The following ADAMTS16 variants were observed in gnomAD, a reference collection of about 807,000 sequenced individuals.
The protein encoded by ADAMTS16 is ADAM metallopeptidase with thrombospondin type 1 motif 16.
Under a neutral mutation model 145.8 loss-of-function variants are expected in ADAMTS16, and 94 were observed. The observed-to-expected ratio is 0.64, with a 90% CI of 0.55 to 0.77. The LOEUF (loss-of-function observed/expected upper bound fraction) is 0.77, where lower values mean the gene tolerates loss of function less well. Ranked by LOEUF, ADAMTS16 falls within the 30% of genes least tolerant of loss-of-function variation. ADAMTS16 has a pLI of 0.00. For missense variants in ADAMTS16, 1,585 were observed against 1,591.5 expected (o/e 1.00, Z 0.07); for synonymous variants, 659 against 604.3 (o/e 1.09, Z -1.33).
chr5:5,264,005 G>C (rs1468896438), intron 18 of ADAMTS16, among the ~76,000 whole-genome samples: 3 of 152,150 alleles, frequency 2.0e-5, no homozygotes, highest in Non-Finnish European at 4.4e-5. Flanking sequence ...GAGAATGGCA[G>C]GTCATCTTCT....
At chr5:5,211,939 C>T (rs6555338) in intron 10 of ADAMTS16, among the ~76,000 whole-genome samples, 25,034 of 152,046 alleles carry the variant, frequency 0.16, 2,405 homozygotes, top group Middle Eastern at 0.24. Flanking sequence ...TGTATTGACA[C>T]ATATTTCATA....
intron 8 of ADAMTS16, among the ~76,000 whole-genome samples, chr5:5,199,381 C>G (rs773913190): frequency 9.2e-5 from 14 of 152,168 alleles, no homozygotes; most frequent in Non-Finnish European, 1.8e-4. Context: ...AGGTGTGGAT[C>G]TCCAAAGTGG....
intron 3 of ADAMTS16, among the ~76,000 whole-genome samples, chr5:5,147,508 T>C (rs1415075403): frequency 1.3e-5 from 2 of 152,212 alleles, no homozygotes; most frequent in Non-Finnish European, 2.9e-5. Context: ...CTAAATCCTG[T>C]AAAAAAATTT....
chr5:5,313,528 G>T (rs377705840), intron 21 of ADAMTS16, among the ~76,000 whole-genome samples: 1 of 152,320 alleles, frequency 6.6e-6, no homozygotes, highest in South Asian at 2.1e-4. Flanking sequence ...GTTGGAAACT[G>T]ACCCCACATG....
intron 3 of ADAMTS16, 97 bp from the exon 4 acceptor site, chr5:5,181,947 C>A: frequency 7.2e-7 from 1 of 1,380,890 alleles, no homozygotes; most frequent in Non-Finnish European, 9.8e-7. Context: ...AGCATGCTTC[C>A]AAGAGAATAA....
intron 10 of ADAMTS16, among the ~76,000 whole-genome samples, chr5:5,214,947 G>A (rs1736377965): frequency 6.6e-6 from 1 of 152,062 alleles, no homozygotes; most frequent in Non-Finnish European, 1.5e-5. Context: ...CTTAATGGGA[G>A]GATATAAAAC....
At chr5:5,232,600 CTTTTTT>C (rs748424956) in intron 12 of ADAMTS16, 84 bp downstream of exon 12, 2,351 of 902,686 alleles carry the variant, frequency 2.6e-3, no homozygotes, top group Admixed American at 4.6e-3. Context: ...TGTCTCAGCT[CTTTTTT>C]TTTTTTTTTT....
intron 6 of ADAMTS16, among the ~76,000 whole-genome samples, chr5:5,189,050 G>A (rs1356793734): frequency 6.6e-6 from 1 of 152,024 alleles, no homozygotes; most frequent in African/African-American, 2.4e-5. Flanking sequence ...ATTTTGCTTG[G>A]GTATATTTGA....
chr5:5,147,820 C>G (rs1182095986), intron 3 of ADAMTS16, among the ~76,000 whole-genome samples: 1 of 152,166 alleles, frequency 6.6e-6, no homozygotes, highest in Non-Finnish European at 1.5e-5. Context: ...CGAGGTGTGC[C>G]TTGCCCTTTA....
At chr5:5,264,563 G>T (rs577550710) in intron 18 of ADAMTS16, among the ~76,000 whole-genome samples, 6 of 152,222 alleles carry the variant, frequency 3.9e-5, no homozygotes, top group African/African-American at 1.4e-4. Context: ...TGTTACCCCT[G>T]GTCTCTCTCT....
rs372721816 is a variant in ADAMTS16 at position 5,186,054 on chromosome 5, A to G, written c.766A>G (p.Met256Val). Residue 256 changes from methionine to valine, a missense_variant and splice_region_variant, in exon 5 of 23, where the codon ATG becomes GTG. Around this residue, in one of 3 missense-constraint regions of ADAMTS16, gnomAD observed 453 missense variants for 412.1 expected, o/e 1.10. Transcript: ENST00000274181. ...GCCCTCCATGTGTCCCTCCATAGAC[A>G]TGCCCCAGCCTCCCAAGGAAGACCT... ...QHFCGRRKKY[M>V]PQPPKEDLFI... 1.5e-5 allele frequency: 24 copies of G among 1,612,330 alleles called. No homozygotes were observed. The highest frequency in any genetic ancestry group is 1.9e-5 in the Non-Finnish European group (23 of 1,179,560).
intron 3 of ADAMTS16, among the ~76,000 whole-genome samples, chr5:5,159,987 C>G (rs1347605067): frequency 6.6e-6 from 1 of 152,180 alleles, no homozygotes; most frequent in Non-Finnish European, 1.5e-5. Flanking sequence ...GGAGTTGTTA[C>G]TATTCCCTTT....
At chr5:5,146,033 A>T in intron 2 of ADAMTS16, 97 bp from the exon 3 acceptor site, 1 of 1,066,698 alleles carries the variant, frequency 9.4e-7, no homozygotes. Context: ...GACTGGGTGG[A>T]AAGGTCATGT....
chr5:5,300,811 A>G (rs1406339651), intron 18 of ADAMTS16, among the ~76,000 whole-genome samples: 1 of 152,148 alleles, frequency 6.6e-6, no homozygotes, highest in Non-Finnish European at 1.5e-5. Context: ...CTCCCTGGAG[A>G]ACTTGAGGAA....
At chr5:5,156,784 T>A (rs1404372829) in intron 3 of ADAMTS16, among the ~76,000 whole-genome samples, 2 of 152,172 alleles carry the variant, frequency 1.3e-5, no homozygotes, top group Non-Finnish European at 2.9e-5. Flanking sequence ...CTACTCTAAA[T>A]CACTTCTGAA....
chr5:5,164,889 G>C (rs947061945), intron 3 of ADAMTS16, among the ~76,000 whole-genome samples: 5 of 152,098 alleles, frequency 3.3e-5, no homozygotes, highest in African/African-American at 1.2e-4. Flanking sequence ...TGTTAGTCAG[G>C]ATGGTCTCGA....
chr5:5,214,625 A>T (rs899250886), intron 10 of ADAMTS16, among the ~76,000 whole-genome samples: 9 of 152,064 alleles, frequency 5.9e-5, no homozygotes, highest in African/African-American at 1.7e-4. Context: ...GCTAGTCTGG[A>T]ATTCCTGACC....
intron 4 of ADAMTS16, among the ~76,000 whole-genome samples, chr5:5,184,374 T>A (rs546323080): frequency 2.4e-4 from 37 of 152,250 alleles, no homozygotes; most frequent in South Asian, 6.2e-4. Flanking sequence ...GGGCCTCGTG[T>A]CACCTATGCA....
intron 18 of ADAMTS16, among the ~76,000 whole-genome samples, chr5:5,270,596 C>T (rs1738429113): frequency 6.6e-6 from 1 of 152,192 alleles, no homozygotes; most frequent in African/African-American, 2.4e-5. Flanking sequence ...ATGGCAAAAA[C>T]ACAGAATAAT....
Sources: allele counts gnomAD v4.1 joint callset (sites outside exome capture counted in the v4.1 genomes callset), GRCh38; gene constraint gnomAD v4.1.1; regional missense constraint gnomAD v4.1.1; transcripts MANE v1.5; gene names NCBI Gene and HGNC (gene_info 2026-07-23, HGNC 2026-07-21).